The following UBAP2 variants were observed in gnomAD, a reference collection of about 807,000 sequenced individuals.
UBAP2 encodes the protein ubiquitin-associated protein 2.
UBAP2 carries 75 observed loss-of-function variants against 139.6 expected under a neutral mutation model. The observed-to-expected ratio is 0.54, with a 90% confidence interval of 0.45 to 0.65. The LOEUF (loss-of-function observed/expected upper bound fraction) is 0.65, where lower values mean the gene tolerates loss of function less well. UBAP2 is among the 30% of genes least tolerant of loss of function. The pLI, the probability that UBAP2 is intolerant of heterozygous loss-of-function variation, is 0.00. For missense variants in UBAP2, 1,368 were observed against 1,369.6 expected (o/e 1.00, Z 0.02); for synonymous variants, 526 against 526.2 (o/e 1.00, Z 0.01).
intron 12 of UBAP2, among the ~76,000 whole-genome samples, chr9:33,950,609 T>C (rs17340305): frequency 0.1 from 15,287 of 152,234 alleles, 1,062 homozygotes; most frequent in Non-Finnish European, 0.14. Flanking sequence ...TTTTTTCAGG[T>C]TGCCCAATAC....
intron 1 of UBAP2, among the ~76,000 whole-genome samples, chr9:34,047,803 G>A (rs1431233770): frequency 1.3e-5 from 2 of 152,182 alleles, no homozygotes; most frequent in Non-Finnish European, 2.9e-5. Context: ...AACATATGGA[G>A]ACCATATCTC....
intron 16 of UBAP2, among the ~76,000 whole-genome samples, chr9:33,939,187 G>A (rs1325969419): frequency 2.3e-5 from 2 of 88,426 alleles, no homozygotes; most frequent in African/African-American, 8.7e-5. Context: ...GATTTCCTAT[G>A]TCTTTTTTTT....
intron 6 of UBAP2, among the ~76,000 whole-genome samples, chr9:33,976,606 T>C (rs1237085279): frequency 6.6e-6 from 1 of 152,216 alleles, no homozygotes; most frequent in East Asian, 1.9e-4. Flanking sequence ...TAAAATTGAT[T>C]GTGGTGATGA....
At chr9:33,980,932 G>T (rs1315842903) in intron 6 of UBAP2, among the ~76,000 whole-genome samples, 1 of 150,708 alleles carries the variant, frequency 6.6e-6, no homozygotes, top group East Asian at 2.0e-4. Context: ...GGGTGACAAT[G>T]CAAGAACCTG....
At chr9:33,926,861 A>T in intron 21 of UBAP2, 128 bp downstream of exon 21, 2 of 1,023,426 alleles carry the variant, frequency 2.0e-6, no homozygotes, top group Admixed American at 3.8e-5. Context: ...TGGGGCAGAG[A>T]CGGGGGTGCT....
chr9:33,945,111 C>G (rs1825553144), intron 13 of UBAP2, among the ~76,000 whole-genome samples: 1 of 145,790 alleles, frequency 6.9e-6, no homozygotes, highest in Middle Eastern at 3.6e-3. Flanking sequence ...GCCTGGATGA[C>G]AAAACAAGAC....
intron 15 of UBAP2, among the ~76,000 whole-genome samples, chr9:33,942,490 G>C (rs1825316779): frequency 6.6e-6 from 1 of 152,174 alleles, no homozygotes. Flanking sequence ...CACTTTGGGA[G>C]GCTGATGCAG....
chr9:33,931,387 G>T (rs1370881126), intron 19 of UBAP2, among the ~76,000 whole-genome samples: 1 of 152,194 alleles, frequency 6.6e-6, no homozygotes, highest in Non-Finnish European at 1.5e-5. Flanking sequence ...GCTGTGGCAG[G>T]CTGGAATACA....
chr9:33,936,369 C>T (rs1430127868), intron 16 of UBAP2, among the ~76,000 whole-genome samples: 4 of 152,102 alleles, frequency 2.6e-5, no homozygotes, highest in Non-Finnish European at 5.9e-5. Flanking sequence ...TCTTAGATCA[C>T]TGCAAACTCC....
chr9:33,954,149 T>G (rs10971819), intron 11 of UBAP2, among the ~76,000 whole-genome samples: 2 of 151,896 alleles, frequency 1.3e-5, no homozygotes, highest in African/African-American at 4.8e-5. Context: ...TCAAGTGAGC[T>G]GCCTGCTTTG....
chr9:34,035,510 A>ATATATATATATATATAT lies in UBAP2; in HGVS notation c.-42+13314_-42+13315insATATATATATATATATA, dbSNP rs1554692760. ...GAGCGAGACTCCATCTAAAAAAAAA[A>ATATATATATATATATAT]AAAAATATATATATATAAAGATTAG... On this transcript the variant is annotated intron_variant, in intron 1 of 28. Coordinates refer to ENST00000379238, the MANE Select transcript of UBAP2 (RefSeq NM_001370062.2). Among the ~76,000 whole-genome samples the ATATATATATATATATAT allele has an allele frequency of 1.3e-3, 5 of 3,822 alleles. 1 individual carries two copies. The highest frequency in any genetic ancestry group is 4.3e-3 in the Admixed American group (2 of 462). 2.5% of individuals were successfully genotyped at this position (3,822 alleles called of 152,430 possible).
intron 3 of UBAP2, 146 bp downstream of exon 3, chr9:33,998,641 A>G (rs1027255272): frequency 1.1e-5 from 7 of 620,516 alleles, no homozygotes; most frequent in Non-Finnish European, 1.9e-5. Flanking sequence ...ATTTTTAATC[A>G]CAAGTCCAAA....
At chr9:33,957,719 CAT>C (rs992481410) in intron 10 of UBAP2, among the ~76,000 whole-genome samples, 6 of 152,074 alleles carry the variant, frequency 3.9e-5, no homozygotes, top group Non-Finnish European at 8.8e-5. Context: ...ACACGGAAAA[CAT>C]AAAAATGCTA....
At chr9:34,010,864 C>T (rs1158238705) in intron 2 of UBAP2, among the ~76,000 whole-genome samples, 1 of 152,048 alleles carries the variant, frequency 6.6e-6, no homozygotes, top group African/African-American at 2.4e-5. Context: ...ACATTTCAGA[C>T]AGAAACTACT....
chr9:33,973,108 T>G, intron 7 of UBAP2, 75 bp downstream of exon 7: 1 of 1,279,904 alleles, frequency 7.8e-7, no homozygotes, highest in Non-Finnish European at 1.1e-6. Context: ...AAATTAGATG[T>G]AGGGTATTAG....
intron 4 of UBAP2, among the ~76,000 whole-genome samples, chr9:33,989,781 T>G (rs867637662): frequency 1.3e-5 from 2 of 152,132 alleles, no homozygotes; most frequent in African/African-American, 4.8e-5. Flanking sequence ...AGGCCTTAAA[T>G]CTACTTATTA....
chr9:34,009,677 C>T (rs1823574240), intron 2 of UBAP2, among the ~76,000 whole-genome samples: 1 of 152,058 alleles, frequency 6.6e-6, no homozygotes, highest in East Asian at 1.9e-4. Flanking sequence ...TCAGGCTGGT[C>T]TCGAACTCCT....
At chr9:34,032,641 AG>A (rs1271801456) in intron 1 of UBAP2, among the ~76,000 whole-genome samples, 2 of 152,150 alleles carry the variant, frequency 1.3e-5, no homozygotes, top group African/African-American at 4.8e-5. Flanking sequence ...TTTGTTTCTT[AG>A]GCTGGGTGTG....
rs115898409 is a variant in UBAP2, at chr9:33,988,163, A to G, written c.442+810T>C. ...CATCATTAAAATATATTAATATAAA[A>G]TATTTTATTTTCTTTATTGTTACAT... On this transcript the variant is annotated intron_variant, in intron 5 of 28. Coordinates refer to ENST00000379238, the MANE Select transcript of UBAP2 (RefSeq NM_001370062.2). Among the ~76,000 whole-genome samples, 870 of 152,062 alleles carry G rather than the reference A, an allele frequency of 5.7e-3. 13 individuals carry two copies. Among genetic ancestry groups the G allele is most frequent in the African/African-American group, 0.019 (799 of 41,536 alleles).
Sources: gnomAD v4.1 joint callset for allele counts (sites outside exome capture counted in the v4.1 genomes callset) on GRCh38, gnomAD v4.1.1 for gene constraint, MANE v1.5 for transcripts, NCBI Gene and HGNC (gene_info 2026-07-23, HGNC 2026-07-21) for gene names.